Variants in NCAN observed in about 807,000 individuals in gnomAD.
NCAN encodes neurocan core protein.
In NCAN, 47 loss-of-function variants were observed where a neutral mutation model predicts 121.8. The ratio of observed to expected loss-of-function variants is 0.39; its 90% CI spans 0.31 to 0.49. The LOEUF (loss-of-function observed/expected upper bound fraction) is 0.49. NCAN is among the 20% of genes least tolerant of loss of function. NCAN has a pLI of 0.92. For synonymous variants in NCAN, 633 were observed against 702.0 expected (o/e 0.90, Z 1.55); for missense variants, 1,517 against 1,773.4 (o/e 0.86, Z 2.60).
rs1286524410 is a variant in NCAN at position 19,226,665 on chromosome 19, A to G, written c.1252A>G (p.Ile418Val). Reference protein sequence around the residue: ...LVSSGEEETLILEEKQESQQT... With the variant: ...LVSSGEEETLVLEEKQESQQT... Reference sequence around the variant, plus strand: ...GTCCAGTGGGGAAGAAGAAACCCTGATTTTGGAGGAGAAGCAGGAGTCTCA... The same window carrying G: ...GTCCAGTGGGGAAGAAGAAACCCTGGTTTTGGAGGAGAAGCAGGAGTCTCA... Residue 418 changes from isoleucine to valine, a missense_variant, in exon 7 of 15, where the codon ATT becomes GTT. By Grantham distance (29) the Ile-to-Val change is conservative (BLOSUM62 3). Coordinates refer to ENST00000252575, the MANE Select transcript of NCAN (RefSeq NM_004386.3). The G allele has an allele frequency of 1.2e-6, 2 of 1,613,736 alleles. No individual in the cohort carries two copies. Among genetic ancestry groups the G allele is most frequent in the African/African-American group, 1.3e-5 (1 of 75,036 alleles).
Position 19,238,905 on chromosome 19 carries a change from T to C in NCAN, c.3409+494T>C, listed in dbSNP as rs117125555. 1.1e-4 allele frequency: 21 copies of C among 197,478 alleles called. No homozygotes were observed. The East Asian group carries it at 2.6e-3, about 25-fold the overall frequency. The allele number at this position is 197,478 out of a possible 1,614,324, so 12.2% of individuals were successfully genotyped here. On this transcript the variant is annotated intron_variant, in intron 11 of 14. Transcript: ENST00000252575. ...GAGAGAGACAAGTGTTCCATTCATGTAATCCGGGACTTATTGATTTATTCA... is the reference window on the plus strand; with the variant it reads ...GAGAGAGACAAGTGTTCCATTCATGCAATCCGGGACTTATTGATTTATTCA...
intron 1 of NCAN, among the ~76,000 whole-genome samples, chr19:19,216,516 T>G (rs2060796622): frequency 6.6e-6 from 1 of 152,126 alleles, no homozygotes; most frequent in Non-Finnish European, 1.5e-5. Context: ...TTCACCATGT[T>G]GGTAAGGCTG....
Position 19,227,226 on chromosome 19 carries a change from C to T in NCAN, c.1661-55C>T. 6 of 1,507,556 alleles carry T rather than the reference C, an allele frequency of 4.0e-6. No individual in the cohort carries two copies. The highest frequency in any genetic ancestry group is 4.4e-6 in the Non-Finnish European group (5 of 1,130,292). The allele number at this position is 1,507,556 out of a possible 1,614,324, so 93.4% of individuals were successfully genotyped here. On this transcript the variant is annotated intron_variant, in intron 7 of 14. Transcript: ENST00000252575. This position sits in a 1 kb window ranked among gnomAD's most constrained non-coding sequence, Gnocchi z 4.2. ...CCCCCTCTCCCTTGGGCCTGGAGTC[C>T]AACCAAAGGGGCTGCTGAGAGATCA...
intron 1 of NCAN, among the ~76,000 whole-genome samples, chr19:19,213,619 AGT>A (rs2060784202): frequency 6.7e-6 from 1 of 149,980 alleles, no homozygotes; most frequent in Admixed American, 6.7e-5. Context: ...AATCTGTGTG[AGT>A]GTGTGTTTCC....
Position 19,246,067 on chromosome 19 carries a change from C to T in NCAN, c.3637+610C>T, listed in dbSNP as rs564461584. On this transcript the variant is annotated intron_variant, in intron 13 of 14. Transcript: ENST00000252575. ...TTATTTATGTTTTTGGAGACAGTTTCGCTCTTGTTGTCCAGGCTGGAGTGC... is the reference window on the plus strand; with the variant it reads ...TTATTTATGTTTTTGGAGACAGTTTTGCTCTTGTTGTCCAGGCTGGAGTGC... Among the ~76,000 whole-genome samples, 19 of 151,912 alleles carry T rather than the reference C, an allele frequency of 1.3e-4. No homozygotes were observed. The East Asian group carries it at 1.9e-3, about 16-fold the overall frequency.
At chr19:19,214,454 GT>G (rs1400648812) in intron 1 of NCAN, among the ~76,000 whole-genome samples, 8 of 151,922 alleles carry the variant, frequency 5.3e-5, no homozygotes, top group Non-Finnish European at 1.2e-4. Flanking sequence ...TGTGTGGGGG[GT>G]GTGCACCTGA....
intron 12 of NCAN, 87 bp from the exon 13 acceptor site, chr19:19,245,226 G>A: frequency 6.6e-7 from 1 of 1,522,964 alleles, no homozygotes; most frequent in Non-Finnish European, 8.9e-7. Flanking sequence ...TGAGGGGTCT[G>A]GCCAGGGGAG....
intron 10 of NCAN, 135 bp from the exon 11 acceptor site, chr19:19,238,118 G>A: frequency 9.0e-7 from 1 of 1,105,066 alleles, no homozygotes; most frequent in South Asian, 1.4e-5. Flanking sequence ...GGAGGGGCCA[G>A]GCATGGGGAG....
Position 19,228,221 on chromosome 19 carries a change from A to G in NCAN, c.2601A>G (p.Thr867=). ...TGAGCCCTCAGGTGGCCCTGGATACAAGCATTGTGACGCCCCTCACGACCC... is the reference window on the plus strand; with the variant it reads ...TGAGCCCTCAGGTGGCCCTGGATACGAGCATTGTGACGCCCCTCACGACCC... The part of the protein sequence containing the change: ...TTLSPQVALD[T]SIVTPLTTLE... Residue 867 remains threonine, a synonymous_variant, in exon 8 of 15, where the codon ACA becomes ACG. Coordinates refer to ENST00000252575, the MANE Select transcript of NCAN (RefSeq NM_004386.3). The G allele has an allele frequency of 6.2e-7, 1 of 1,613,896 alleles. No homozygotes were observed. The highest frequency in any genetic ancestry group is 8.5e-7 in the Non-Finnish European group (1 of 1,180,012).
chr19:19,228,656 G>T lies in NCAN; in HGVS notation c.3019+17G>T, dbSNP rs370152802. On this transcript the variant is annotated intron_variant, in intron 8 of 14. Transcript: ENST00000252575. The stretch of plus-strand genomic sequence containing the variant: ...CGGAGGAGGGTGAGTACAAAGTCCC[G>T]GGGCTCTGTCCAGCTCTCCATGGTC... 26 of 1,592,660 alleles carry T rather than the reference G, an allele frequency of 1.6e-5. 1 individual carries two copies. The East Asian group carries it at 4.5e-4, about 27-fold the overall frequency.
intron 12 of NCAN, among the ~76,000 whole-genome samples, chr19:19,244,309 C>T (rs78867844): frequency 2.4e-5 from 3 of 127,612 alleles, no homozygotes; most frequent in Admixed American, 8.3e-5. Flanking sequence ...CCCTTACTAT[C>T]TTTTTTTTTT....
At chr19:19,216,703 A>T (rs2060797404) in intron 1 of NCAN, among the ~76,000 whole-genome samples, 1 of 152,108 alleles carries the variant, frequency 6.6e-6, no homozygotes, top group Non-Finnish European at 1.5e-5. Flanking sequence ...CAGCCTCCCA[A>T]AGTGCTGGAA....
rs1187108913 is a variant in NCAN at position 19,228,041 on chromosome 19, A to G, written c.2421A>G (p.Val807=). The G allele has an allele frequency of 6.2e-7, 1 of 1,613,444 alleles. No individual in the cohort carries two copies. The highest frequency in any genetic ancestry group is 2.2e-5 in the East Asian group (1 of 44,868). Residue 807 remains valine (V), a synonymous_variant, in exon 8 of 15, where the codon GTA becomes GTG. Transcript: ENST00000252575. Reference sequence around the variant, plus strand: ...TGGGGAGCCCTGGAGTCTTCTTGGTACCCAAAGTCACCCCAAATTTGGAGC... The same window carrying G: ...TGGGGAGCCCTGGAGTCTTCTTGGTGCCCAAAGTCACCCCAAATTTGGAGC... The part of the protein sequence containing the change: ...APLGSPGVFL[V]PKVTPNLEPW...
At chr19:19,226,271 C>T (rs1186622523) in intron 6 of NCAN, among the ~76,000 whole-genome samples, 1 of 152,112 alleles carries the variant, frequency 6.6e-6, no homozygotes, top group Non-Finnish European at 1.5e-5. Context: ...TGACTCTGAC[C>T]CTGACAGTGG....
intron 11 of NCAN, 31 bp downstream of exon 11, chr19:19,238,442 T>C (rs751871886): frequency 3.7e-6 from 6 of 1,613,358 alleles, no homozygotes; most frequent in Admixed American, 3.3e-5. Flanking sequence ...GCCACCTGCC[T>C]GGAGGGTGGG....
At chr19:19,220,255 G>C (rs893398764) in intron 3 of NCAN, among the ~76,000 whole-genome samples, 3 of 151,332 alleles carry the variant, frequency 2.0e-5, no homozygotes, top group African/African-American at 7.3e-5. Flanking sequence ...ATTTTACTTG[G>C]AGTCAATTTT....
At chr19:19,247,276 C>T (rs1171272501) in intron 13 of NCAN, among the ~76,000 whole-genome samples, 2 of 151,976 alleles carry the variant, frequency 1.3e-5, no homozygotes, top group African/African-American at 2.4e-5. Context: ...TATTTTGAGA[C>T]GGCGTCTTGC....
chr19:19,212,597 A>G lies in NCAN; in HGVS notation c.-8+533A>G, dbSNP rs917098519. On this transcript the variant is annotated intron_variant, in intron 1 of 14. Transcript: ENST00000252575. This position sits in a 1 kb window ranked among gnomAD's most constrained non-coding sequence, Gnocchi z 4.5. ...GTATCTGCGCTGAGAGCGAACGGCC[A>G]TGGGGAAGGGGCTCCCTGCCATCTC... Among the ~76,000 whole-genome samples, 1 of 152,180 alleles carries G rather than the reference A, an allele frequency of 6.6e-6. No homozygotes were observed. The highest frequency in any genetic ancestry group is 1.5e-5 in the Non-Finnish European group (1 of 68,016).
chr19:19,246,907 A>G (rs2060926367), intron 13 of NCAN, among the ~76,000 whole-genome samples: 1 of 152,026 alleles, frequency 6.6e-6, no homozygotes, highest in African/African-American at 2.4e-5. Flanking sequence ...CTGTCAATTC[A>G]TCTCTTTTGC....
Sources: allele counts gnomAD v4.1 joint callset (sites outside exome capture counted in the v4.1 genomes callset), GRCh38; gene constraint gnomAD v4.1.1; non-coding constraint Gnocchi (gnomAD v3.1); transcripts MANE v1.5; gene names NCBI Gene and HGNC (gene_info 2026-07-23, HGNC 2026-07-21).